Variants in PDZD2 observed in about 807,000 individuals in gnomAD.
PDZD2 encodes the protein PDZ domain containing 2.
PDZD2 carries 90 observed loss-of-function variants against 220.7 expected under a neutral mutation model. The observed-to-expected ratio is 0.41, with a 90% CI of 0.34 to 0.49. PDZD2 has a LOEUF of 0.49. Among genes scored for constraint, PDZD2 ranks in the 20% least tolerant of loss-of-function variants. PDZD2 has a pLI of 0.28. For synonymous variants in PDZD2, 1,375 were observed against 1,450.5 expected (o/e 0.95, Z 1.18); for missense variants, 3,174 against 3,608.5 (o/e 0.88, Z 3.08).
chr5:32,058,224 A>C (rs561168226), intron 12 of PDZD2, 121 bp downstream of exon 12: 6 of 658,902 alleles, frequency 9.1e-6, no homozygotes, highest in African/African-American at 1.8e-5. Flanking sequence ...TTCTATCAAC[A>C]ACACGTGGTC....
chr5:31,854,843 G>A (rs1172683353), intron 2 of PDZD2: 1 of 296,664 alleles, frequency 3.4e-6, no homozygotes, highest in Non-Finnish European at 5.0e-6. Context: ...AGTGAGCAGG[G>A]GAGTGGCGAG....
intron 1 of PDZD2, among the ~76,000 whole-genome samples, chr5:31,680,921 G>A (rs1320431423): frequency 1.3e-5 from 2 of 152,056 alleles, no homozygotes; most frequent in African/African-American, 4.8e-5. Flanking sequence ...TTCCCTATAC[G>A]GCCTTGCCCC....
At chr5:31,710,745 G>A (rs984345467) in intron 1 of PDZD2, among the ~76,000 whole-genome samples, 2 of 151,998 alleles carry the variant, frequency 1.3e-5, no homozygotes, top group African/African-American at 2.4e-5. Context: ...GAACCTGGGA[G>A]GTGGAGGTTG....
intron 1 of PDZD2, among the ~76,000 whole-genome samples, chr5:31,778,218 G>A (rs575417604): frequency 6.6e-6 from 1 of 152,270 alleles, no homozygotes; most frequent in African/African-American, 2.4e-5. Context: ...CTGTCAAAAC[G>A]GACCAATCAG....
chr5:31,898,820 T>TG (rs1446135788), intron 2 of PDZD2, among the ~76,000 whole-genome samples: 1 of 149,796 alleles, frequency 6.7e-6, no homozygotes, highest in Non-Finnish European at 1.5e-5. Flanking sequence ...TTTTTTTTTT[T>TG]TTTTTTGTTT....
At chr5:32,059,389 G>T in intron 13 of PDZD2, 33 bp downstream of exon 13, 2 of 1,094,156 alleles carry the variant, frequency 1.8e-6, no homozygotes, top group South Asian at 1.3e-5. Context: ...TAAGGTTCTG[G>T]AGTGTTCATA....
intron 1 of PDZD2, among the ~76,000 whole-genome samples, chr5:31,658,294 A>G (rs554448021): frequency 6.6e-5 from 10 of 152,288 alleles, no homozygotes; most frequent in Non-Finnish European, 7.3e-5. Flanking sequence ...TTCTTCACAG[A>G]GGATGATCAG....
chr5:31,773,215 A>G (rs575071288), intron 1 of PDZD2, among the ~76,000 whole-genome samples: 5 of 152,224 alleles, frequency 3.3e-5, no homozygotes, highest in African/African-American at 4.8e-5. Context: ...AACCAAGTCA[A>G]CTTGGGGCTA....
chr5:31,850,669 C>G (rs1178442547), intron 2 of PDZD2, among the ~76,000 whole-genome samples: 1 of 136,496 alleles, frequency 7.3e-6, no homozygotes, highest in Non-Finnish European at 1.5e-5. Flanking sequence ...CGGAGTCTTG[C>G]TCTTTCACCC....
At chr5:31,886,852 C>T (rs1026576052) in intron 2 of PDZD2, among the ~76,000 whole-genome samples, 7 of 152,152 alleles carry the variant, frequency 4.6e-5, no homozygotes, top group South Asian at 2.1e-4. Context: ...CGCCTGCCAC[C>T]ACACCCAGCT....
intron 2 of PDZD2, among the ~76,000 whole-genome samples, chr5:31,934,154 A>G (rs1430338566): frequency 6.6e-6 from 1 of 152,156 alleles, no homozygotes; most frequent in South Asian, 2.1e-4. Context: ...TCTTGTTAGG[A>G]CTGCAGTTTG....
intron 1 of PDZD2, among the ~76,000 whole-genome samples, chr5:31,745,014 A>C (rs1422562321): frequency 6.6e-6 from 1 of 152,120 alleles, no homozygotes. Context: ...CGGAGCTTGC[A>C]GTGAGCCGAG....
At chr5:31,877,622 G>A (rs747127299) in intron 2 of PDZD2, among the ~76,000 whole-genome samples, 8 of 152,130 alleles carry the variant, frequency 5.3e-5, no homozygotes, top group Non-Finnish European at 5.9e-5. Context: ...CCTAATGCAG[G>A]TCAAAAGGAA....
At chr5:31,756,109 G>A (rs1692638416) in intron 1 of PDZD2, among the ~76,000 whole-genome samples, 2 of 152,186 alleles carry the variant, frequency 1.3e-5, no homozygotes, top group South Asian at 4.1e-4. Context: ...CAGTCATGAT[G>A]AGGAAGGCAA....
intron 6 of PDZD2, among the ~76,000 whole-genome samples, chr5:32,029,561 G>A (rs990081588): frequency 5.9e-5 from 9 of 151,942 alleles, no homozygotes; most frequent in Non-Finnish European, 1.3e-4. Flanking sequence ...ACACAGGCTC[G>A]GGGGTGTGCA....
chr5:31,862,379 C>T (rs1276691391), intron 2 of PDZD2, among the ~76,000 whole-genome samples: 1 of 152,014 alleles, frequency 6.6e-6, no homozygotes, highest in Non-Finnish European at 1.5e-5. Flanking sequence ...GCTGGAATTA[C>T]AGGCATGAGC....
chr5:31,974,354 G>T (rs935900484), intron 2 of PDZD2, among the ~76,000 whole-genome samples: 3 of 133,332 alleles, frequency 2.3e-5, no homozygotes, highest in Non-Finnish European at 3.5e-5. Context: ...TCACAAAAAA[G>T]AAAAAAGAAA....
chr5:31,976,723 T>C (rs1174876069), intron 2 of PDZD2, among the ~76,000 whole-genome samples: 2,986 of 140,822 alleles, frequency 0.021, 128 homozygotes, highest in African/African-American at 0.075. Flanking sequence ...TCTTTTTTTT[T>C]TTTTTTTTTT....
intron 1 of PDZD2, chr5:31,725,975 G>A: frequency 1.8e-6 from 1 of 564,824 alleles, no homozygotes; most frequent in South Asian, 2.0e-5. Flanking sequence ...GAAATAGGCA[G>A]TCTTGGATAC....
Sources: gnomAD v4.1 joint callset for allele counts (sites outside exome capture counted in the v4.1 genomes callset) on GRCh38, gnomAD v4.1.1 for gene constraint, MANE v1.5 for transcripts, NCBI Gene and HGNC (gene_info 2026-07-23, HGNC 2026-07-21) for gene names.